Variants in TTLL11 observed in about 807,000 individuals in gnomAD.
The protein encoded by TTLL11 is tubulin polyglutamylase TTLL11.
Under a neutral mutation model 51.7 loss-of-function variants are expected in TTLL11, and 42 were observed. The ratio of observed to expected loss-of-function variants is 0.81; its 90% CI spans 0.64 to 1.05. TTLL11 has a LOEUF of 1.05. TTLL11 is among the 50% of genes least tolerant of loss of function. TTLL11 has a pLI of 0.00. For synonymous variants in TTLL11, 381 were observed against 383.5 expected (o/e 0.99, Z 0.08); for missense variants, 799 against 940.4 (o/e 0.85, Z 1.97).
At chr9:122,050,549 C>G (rs1220177150) in intron 1 of TTLL11, among the ~76,000 whole-genome samples, 1 of 152,142 alleles carries the variant, frequency 6.6e-6, no homozygotes, top group African/African-American at 2.4e-5. Flanking sequence ...ATCCTCTCCC[C>G]TACCTGTGGT....
rs1282833450 is a variant in TTLL11, at chr9:121,820,972, G to C, written c.*1615C>G. 6.6e-6 allele frequency among the ~76,000 whole-genome samples: 1 copy of C among 151,880 alleles called. No individual in the cohort carries two copies. Among genetic ancestry groups the C allele is most frequent in the East Asian group, 1.9e-4 (1 of 5,134 alleles). ...GGTGCTGCGCGGCAGCCACACCGTG[G>C]GGGAAACAGGTTTTCCTCTTTGAGA... On this transcript the variant is annotated 3_prime_UTR_variant, in exon 9 of 9. Transcript: ENST00000321582.
intron 1 of TTLL11, among the ~76,000 whole-genome samples, chr9:122,070,456 C>T (rs565176828): frequency 3.5e-4 from 53 of 152,240 alleles, no homozygotes; most frequent in South Asian, 1.0e-3. Flanking sequence ...ATCAACTCCA[C>T]AGCCCTCATC....
chr9:122,057,497 C>T (rs1204823818), intron 1 of TTLL11, among the ~76,000 whole-genome samples: 6 of 151,912 alleles, frequency 3.9e-5, no homozygotes, highest in South Asian at 2.1e-4. Flanking sequence ...GGCTAATTTT[C>T]GTTATTTTTG....
Position 121,989,473 on chromosome 9 carries a change from T to A in TTLL11, c.991A>T (p.Thr331Ser). The change falls in exon 4 of 9, where the codon ACC becomes TCC. Residue 331 changes from threonine to serine, a missense_variant. Thr to Ser is a moderately conservative substitution (Grantham distance 58). Transcript: ENST00000321582. This position sits in a 1 kb window ranked among gnomAD's most constrained non-coding sequence, Gnocchi z 4.2. ...RFCTEPYQEP[T>S]PKNLHRIFMH... is the part of the protein sequence containing the mutation. ...AAGATGCGGTGCAGGTTTTTGGGGG[T>A]GGGCTCCTGATATGGCTCGGTACAA... The A allele has an allele frequency of 6.2e-7, 1 of 1,614,002 alleles. No homozygotes were observed. Among genetic ancestry groups the A allele is most frequent in the Non-Finnish European group, 8.5e-7 (1 of 1,180,006 alleles).
intron 6 of TTLL11, among the ~76,000 whole-genome samples, chr9:121,907,793 A>G (rs1383630726): frequency 3.3e-5 from 5 of 152,242 alleles, no homozygotes; most frequent in African/African-American, 1.2e-4. Flanking sequence ...TGAAAAATGT[A>G]TTATATCCAA....
At chr9:121,994,956 A>G (rs923811988) in intron 3 of TTLL11, among the ~76,000 whole-genome samples, 7 of 152,234 alleles carry the variant, frequency 4.6e-5, no homozygotes. Context: ...AGACAGGAAC[A>G]TAAAGGATAA....
chr9:121,845,942 G>A (rs1486875150), intron 8 of TTLL11, among the ~76,000 whole-genome samples: 2 of 152,146 alleles, frequency 1.3e-5, no homozygotes, highest in Non-Finnish European at 2.9e-5. Context: ...TATTTTAAAT[G>A]TGAATGGTTT....
At chr9:122,000,936 C>A (rs989024766) in intron 3 of TTLL11, among the ~76,000 whole-genome samples, 18 of 152,208 alleles carry the variant, frequency 1.2e-4, no homozygotes, top group Admixed American at 6.5e-5. Flanking sequence ...TAACAACTAC[C>A]ATTTATGGGC....
At chr9:121,928,734 C>T (rs538741234) in intron 6 of TTLL11, among the ~76,000 whole-genome samples, 7 of 151,836 alleles carry the variant, frequency 4.6e-5, no homozygotes, top group East Asian at 3.9e-4. Flanking sequence ...CCACCGCACC[C>T]GGCCTGTTTC....
chr9:121,994,752 A>G (rs1377980225), intron 3 of TTLL11, among the ~76,000 whole-genome samples: 1 of 152,226 alleles, frequency 6.6e-6, no homozygotes, highest in East Asian at 1.9e-4. Flanking sequence ...TTTTGAGAAG[A>G]AAGCAACTTA....
chr9:122,079,538 C>T (rs772202077), intron 1 of TTLL11, among the ~76,000 whole-genome samples: 6 of 151,448 alleles, frequency 4.0e-5, no homozygotes, highest in Non-Finnish European at 8.8e-5. Context: ...GGTGAAACCC[C>T]GTCTACTAAA....
chr9:121,920,881 G>A (rs188143255), intron 6 of TTLL11, among the ~76,000 whole-genome samples: 5 of 152,342 alleles, frequency 3.3e-5, no homozygotes, highest in East Asian at 1.9e-4. Context: ...ACCCACTACA[G>A]AGGGCCTAGG....
chr9:121,882,361 A>C (rs10985429), intron 6 of TTLL11, among the ~76,000 whole-genome samples: 17,744 of 152,192 alleles, frequency 0.12, 1,057 homozygotes, highest in Admixed American at 0.14. Flanking sequence ...GCAGCACGAG[A>C]ACACTGGCTT....
intron 6 of TTLL11, among the ~76,000 whole-genome samples, chr9:121,933,274 G>A (rs181799681): frequency 4.6e-5 from 7 of 152,324 alleles, no homozygotes; most frequent in Admixed American, 1.3e-4. Context: ...GAAAGAGAAC[G>A]CTCTCCCGGG....
chr9:121,982,644 C>A (rs1842850694), intron 4 of TTLL11, among the ~76,000 whole-genome samples: 1 of 150,566 alleles, frequency 6.6e-6, no homozygotes, highest in Non-Finnish European at 1.5e-5. Context: ...TCGCTTGAAC[C>A]CAGGAGGCAG....
intron 3 of TTLL11, among the ~76,000 whole-genome samples, chr9:122,025,366 C>T (rs985139716): frequency 1.5e-4 from 23 of 152,216 alleles, no homozygotes; most frequent in African/African-American, 5.5e-4. Flanking sequence ...GGAGCAGTGG[C>T]TCACGCCTGT....
intron 8 of TTLL11, among the ~76,000 whole-genome samples, chr9:121,839,072 T>G (rs1438397855): frequency 6.6e-6 from 1 of 152,252 alleles, no homozygotes. Flanking sequence ...TGGCGAAGCT[T>G]CCATCTCAGC....
At chr9:121,982,674 C>T (rs111630979) in intron 4 of TTLL11, among the ~76,000 whole-genome samples, 10 of 148,176 alleles carry the variant, frequency 6.7e-5, no homozygotes, top group Admixed American at 2.7e-4. Context: ...TGAGTGAGTG[C>T]CATTGCACTC....
At chr9:122,003,278 A>G in intron 3 of TTLL11, among the ~76,000 whole-genome samples, 1 of 152,186 alleles carries the variant, frequency 6.6e-6, no homozygotes, top group East Asian at 1.9e-4. Context: ...TTAAAATTAT[A>G]ATGTACTTGG....
Sources: gnomAD v4.1 joint callset for allele counts (sites outside exome capture counted in the v4.1 genomes callset) on GRCh38, gnomAD v4.1.1 for gene constraint, Gnocchi (gnomAD v3.1) non-coding constraint, MANE v1.5 for transcripts, NCBI Gene and HGNC (gene_info 2026-07-23, HGNC 2026-07-21) for gene names.